HECW2: variants seen among roughly 807,000 people sequenced by gnomAD.
HECW2 encodes the protein E3 ubiquitin-protein ligase HECW2.
A neutral mutation model predicts 175.2 loss-of-function variants in HECW2; 61 were observed. The ratio of observed to expected loss-of-function variants is 0.35; its 90% CI spans 0.28 to 0.43. HECW2 has a LOEUF of 0.43. HECW2 is among the 20% of genes least tolerant of loss of function. The pLI is 1.00. For missense variants in HECW2, 1,524 were observed against 2,000.5 expected, an observed-to-expected ratio of 0.76 and a Z score of 4.54; for synonymous variants, 671 against 731.0, an observed-to-expected ratio of 0.92 and a Z score of 1.32.
At chr2:196,475,158 A>C (rs1041950064) in intron 1 of HECW2, among the ~76,000 whole-genome samples, 7 of 151,804 alleles carry the variant, frequency 4.6e-5, no homozygotes, top group African/African-American at 1.7e-4. Context: ...GCCCCCACCC[A>C]CCTGGTTCTG....
At chr2:196,388,881 G>A (rs1694426414) in intron 2 of HECW2, among the ~76,000 whole-genome samples, 1 of 152,130 alleles carries the variant, frequency 6.6e-6, no homozygotes, top group Admixed American at 6.5e-5. Context: ...AAGCTGCTTT[G>A]CTGTTACATA....
chr2:196,257,766 C>T lies in HECW2; in HGVS notation c.3419+57G>A, dbSNP rs1478082745. 2.6e-5 allele frequency: 31 copies of T among 1,187,390 alleles called. No homozygotes were observed. In the South Asian group the frequency reaches 3.9e-4, roughly 15 times the overall value. The allele number at this position is 1,187,390 out of a possible 1,614,324, so 73.6% of individuals were successfully genotyped here. Reference sequence around the variant, plus strand: ...TTGGCATATTATTTTCTACAATGTTCCATGATATCTGATGACAAGAGACCT... The same window carrying T: ...TTGGCATATTATTTTCTACAATGTTTCATGATATCTGATGACAAGAGACCT... On this transcript the variant is annotated intron_variant, in intron 18 of 28. Transcript: ENST00000644978.
chr2:196,215,852 T>C lies in HECW2; in HGVS notation c.4607+13A>G. 1 of 1,549,928 alleles carries C rather than the reference T, an allele frequency of 6.5e-7. No homozygotes were observed. Among genetic ancestry groups the C allele is most frequent in the South Asian group, 1.1e-5 (1 of 89,614 alleles). ...ATGTTGTGACAGTAAAGAAATGTTATTTTATATTTTACCTGGGAAGAGCAG... is the reference window on the plus strand; with the variant it reads ...ATGTTGTGACAGTAAAGAAATGTTACTTTATATTTTACCTGGGAAGAGCAG... On this transcript the variant is annotated intron_variant, in intron 28 of 28. Coordinates refer to ENST00000644978, the MANE Select transcript of HECW2 (RefSeq NM_001348768.2).
At chr2:196,333,491 A>G (rs2105800844) in intron 4 of HECW2, among the ~76,000 whole-genome samples, 1 of 152,298 alleles carries the variant, frequency 6.6e-6, no homozygotes, top group Admixed American at 6.5e-5. Flanking sequence ...CCAAAAATGC[A>G]AGCATCTATA....
At chr2:196,318,516 C>T in intron 9 of HECW2, 36 bp downstream of exon 9, 1 of 1,451,184 alleles carries the variant, frequency 6.9e-7, no homozygotes, top group Non-Finnish European at 9.1e-7. Context: ...CACAGCTACG[C>T]TCGAGCCAAG....
At chr2:196,406,698 C>T (rs539588525) in intron 2 of HECW2, among the ~76,000 whole-genome samples, 1 of 152,344 alleles carries the variant, frequency 6.6e-6, no homozygotes, top group South Asian at 2.1e-4. Context: ...GCTCCAGCCA[C>T]TCTGGCCCTC....
At chr2:196,214,083 C>G (rs1307823350) in intron 28 of HECW2, among the ~76,000 whole-genome samples, 1 of 152,202 alleles carries the variant, frequency 6.6e-6, no homozygotes, top group South Asian at 2.1e-4. Flanking sequence ...TGGATGCTTA[C>G]TCATGGCCAG....
chr2:196,322,384 T>G (rs1007170134), intron 7 of HECW2, 94 bp downstream of exon 7: 3 of 923,626 alleles, frequency 3.2e-6, no homozygotes, highest in Non-Finnish European at 3.2e-6. Flanking sequence ...CTACTTCTTA[T>G]CAGTATGAAA....
chr2:196,384,347 G>A (rs984794509), intron 2 of HECW2, among the ~76,000 whole-genome samples: 14 of 152,044 alleles, frequency 9.2e-5, no homozygotes, highest in Non-Finnish European at 1.6e-4. Flanking sequence ...TTGGGAGGCC[G>A]AGGCAGGAGG....
intron 1 of HECW2, among the ~76,000 whole-genome samples, chr2:196,460,267 A>G (rs1696687644): frequency 6.6e-6 from 1 of 152,232 alleles, no homozygotes. Context: ...ACTCTAAGAA[A>G]TATCAAGTAA....
chr2:196,273,387 G>A (rs1417257479), intron 16 of HECW2, among the ~76,000 whole-genome samples: 2 of 152,058 alleles, frequency 1.3e-5, no homozygotes, highest in South Asian at 2.1e-4. Context: ...AATTTAAGAC[G>A]GAGCACGGAG....
chr2:196,499,553 G>T (rs1687509468), intron 1 of HECW2, among the ~76,000 whole-genome samples: 1 of 152,144 alleles, frequency 6.6e-6, no homozygotes, highest in African/African-American at 2.4e-5. Flanking sequence ...CTATTTAGAT[G>T]GAGGCTTAAC....
intron 1 of HECW2, among the ~76,000 whole-genome samples, chr2:196,547,954 G>A (rs974064053): frequency 7.2e-5 from 11 of 152,188 alleles, no homozygotes; most frequent in African/African-American, 2.7e-4. Context: ...CTCATCACCT[G>A]AGGGAATTCG....
At chr2:196,418,629 GAGA>G (rs1372060458) in intron 2 of HECW2, among the ~76,000 whole-genome samples, 1 of 152,086 alleles carries the variant, frequency 6.6e-6, no homozygotes, top group African/African-American at 2.4e-5. Context: ...TCGGAAACAA[GAGA>G]ATAAGAAAAG....
intron 1 of HECW2, among the ~76,000 whole-genome samples, chr2:196,559,568 G>A (rs2125497309): frequency 6.6e-6 from 1 of 152,326 alleles, no homozygotes. Context: ...AGGCTCTACT[G>A]TGCTTAAGGA....
intron 2 of HECW2, among the ~76,000 whole-genome samples, chr2:196,399,416 A>G (rs550480115): frequency 6.6e-6 from 1 of 152,330 alleles, no homozygotes; most frequent in South Asian, 2.1e-4. Flanking sequence ...AGGGCTTATG[A>G]TCTTCTGCAG....
At chr2:196,268,557 A>G (rs190026892) in intron 17 of HECW2, among the ~76,000 whole-genome samples, 1 of 152,224 alleles carries the variant, frequency 6.6e-6, no homozygotes, top group South Asian at 2.1e-4. Context: ...TCAAGTCATT[A>G]AAGACTAATG....
chr2:196,387,827 C>T (rs1694392965), intron 2 of HECW2, among the ~76,000 whole-genome samples: 1 of 152,142 alleles, frequency 6.6e-6, no homozygotes, highest in Non-Finnish European at 1.5e-5. Flanking sequence ...TGCCAAATTA[C>T]AGCATTTGTC....
At chr2:196,479,120 C>A (rs1476057285) in intron 1 of HECW2, among the ~76,000 whole-genome samples, 1 of 152,160 alleles carries the variant, frequency 6.6e-6, no homozygotes, top group Non-Finnish European at 1.5e-5. Flanking sequence ...TTGATCACTG[C>A]GAGCACATAC....
Sources: allele counts gnomAD v4.1 joint callset (sites outside exome capture counted in the v4.1 genomes callset), GRCh38; gene constraint gnomAD v4.1.1; transcripts MANE v1.5; gene names NCBI Gene and HGNC (gene_info 2026-07-23, HGNC 2026-07-21).